The following IL10RB variants were observed in gnomAD, a reference collection of about 807,000 sequenced individuals.
IL10RB encodes interleukin-10 receptor subunit beta.
Under a neutral mutation model 38.7 loss-of-function variants are expected in IL10RB, and 30 were observed. The observed-to-expected ratio is 0.78, with a 90% CI of 0.58 to 1.05. The LOEUF (loss-of-function observed/expected upper bound fraction) is 1.05, where lower values mean the gene tolerates loss of function less well. IL10RB is among the 50% of genes least tolerant of loss of function. IL10RB has a pLI of 0.00. For synonymous variants in IL10RB, 142 were observed against 145.9 expected, an observed-to-expected ratio of 0.97 and a Z score of 0.19; for missense variants, 328 against 397.1, an observed-to-expected ratio of 0.83 and a Z score of 1.48.
intron 6 of IL10RB, among the ~76,000 whole-genome samples, chr21:33,289,605 T>C (rs937462262): frequency 1.8e-4 from 28 of 152,134 alleles, no homozygotes; most frequent in African/African-American, 6.8e-4. Flanking sequence ...GCTGTCAAAA[T>C]CGGGCAGGGG....
intron 3 of IL10RB, among the ~76,000 whole-genome samples, chr21:33,277,292 G>A (rs1989189397): frequency 2.7e-5 from 4 of 149,896 alleles, no homozygotes; most frequent in Admixed American, 1.3e-4. Context: ...CCGAGATCAC[G>A]CCACTGCACT....
chr21:33,272,511 A>G lies in IL10RB; in HGVS notation c.173+3994A>G, dbSNP rs147991390. Among the ~76,000 whole-genome samples the G allele has an allele frequency of 6.2e-4, 94 of 152,272 alleles. 1 individual carries two copies. Among genetic ancestry groups the G allele is most frequent in the African/African-American group, 2.1e-3 (86 of 41,554 alleles). ...GCCCAGGCTGGAGTGCAGTGGTGCA[A>G]TCACGTCTCACTGCAGCCTCCACCT... On this transcript the variant is annotated intron_variant, in intron 2 of 6. Transcript: ENST00000290200.
At chr21:33,305,025 G>A (rs2082995424) in intron 1 of IL10RB, among the ~76,000 whole-genome samples, 4 of 152,168 alleles carry the variant, frequency 2.6e-5, no homozygotes, top group South Asian at 4.1e-4. Context: ...TCCAAAAAAG[G>A]TAAAGAGCCT....
At chr21:33,302,504 C>T (rs989231844) in intron 1 of IL10RB, among the ~76,000 whole-genome samples, 1 of 152,246 alleles carries the variant, frequency 6.6e-6, no homozygotes, top group Admixed American at 6.5e-5. Context: ...AGAGCATTTC[C>T]AGATGAATTT....
At chr21:33,279,138 A>G (rs1042656059) in intron 3 of IL10RB, among the ~76,000 whole-genome samples, 2 of 152,230 alleles carry the variant, frequency 1.3e-5, no homozygotes, top group Non-Finnish European at 2.9e-5. Flanking sequence ...TAGGACAGAA[A>G]GTAATGGGAG....
At chr21:33,294,679 AG>A (rs1489093028) in intron 6 of IL10RB, among the ~76,000 whole-genome samples, 1 of 152,208 alleles carries the variant, frequency 6.6e-6, no homozygotes, top group African/African-American at 2.4e-5. Flanking sequence ...AGCTACCCTC[AG>A]GTTCCATTAA....
intron 1 of IL10RB, among the ~76,000 whole-genome samples, chr21:33,302,635 G>A (rs941331729): frequency 4.9e-4 from 74 of 152,332 alleles, no homozygotes; most frequent in South Asian, 1.9e-3. Context: ...TGGTATTGAG[G>A]AGTGAACAGG....
chr21:33,275,158 T>C (rs892036951), intron 2 of IL10RB, among the ~76,000 whole-genome samples: 26 of 147,272 alleles, frequency 1.8e-4, no homozygotes, highest in Non-Finnish European at 2.7e-4. Flanking sequence ...TTTTCTTTTT[T>C]TTTTTTTTTT....
At chr21:33,292,129 TC>T (rs1237104158) in intron 6 of IL10RB, among the ~76,000 whole-genome samples, 3 of 152,138 alleles carry the variant, frequency 2.0e-5, no homozygotes, top group Admixed American at 1.3e-4. Context: ...TTCCCAAACG[TC>T]CTTGTCCCTA....
chr21:33,271,087 G>A (rs1989071315), intron 2 of IL10RB, among the ~76,000 whole-genome samples: 2 of 152,148 alleles, frequency 1.3e-5, no homozygotes, highest in South Asian at 4.1e-4. Flanking sequence ...ATCCACACCT[G>A]GGTTCCAGGT....
At chr21:33,293,543 G>A (rs564362923) in intron 6 of IL10RB, among the ~76,000 whole-genome samples, 2 of 152,188 alleles carry the variant, frequency 1.3e-5, no homozygotes, top group East Asian at 1.9e-4. Flanking sequence ...GTGCCAGGCC[G>A]AGCATGGTGG....
intron 6 of IL10RB, among the ~76,000 whole-genome samples, chr21:33,290,192 G>A (rs1989458929): frequency 1.3e-5 from 2 of 151,824 alleles, no homozygotes; most frequent in Non-Finnish European, 2.9e-5. Flanking sequence ...TCGGGAGACT[G>A]AGGCAGGAGA....
chr21:33,277,628 C>G (rs1031883183), intron 3 of IL10RB, among the ~76,000 whole-genome samples: 35 of 148,632 alleles, frequency 2.4e-4, no homozygotes. Flanking sequence ...GGTGGTGGAT[C>G]ACTTGAGCCC....
intron 6 of IL10RB, among the ~76,000 whole-genome samples, chr21:33,292,329 G>A (rs750795054): frequency 6.6e-6 from 1 of 152,194 alleles, no homozygotes; most frequent in Non-Finnish European, 1.5e-5. Context: ...GCAGCAGCGG[G>A]CCACTTTCGG....
chr21:33,288,366 C>A, intron 6 of IL10RB, 105 bp downstream of exon 6: 3 of 766,440 alleles, frequency 3.9e-6, no homozygotes, highest in South Asian at 2.8e-5. Flanking sequence ...TCCAGGAAAA[C>A]ACACACGCGC....
chr21:33,268,622 G>A, intron 2 of IL10RB, 105 bp downstream of exon 2: 2 of 841,518 alleles, frequency 2.4e-6, no homozygotes, highest in African/African-American at 3.3e-5. Context: ...CGGTCACCGT[G>A]TGACTGTGAC....
chr21:33,302,209 T>C (rs1476432121), downstream of IL10RB, among the ~76,000 whole-genome samples: 1 of 152,168 alleles, frequency 6.6e-6, no homozygotes, highest in Non-Finnish European at 1.5e-5. Flanking sequence ...TGAGGCACTG[T>C]TCTAAAAACA....
intron 6 of IL10RB, among the ~76,000 whole-genome samples, chr21:33,295,091 T>C (rs1404693062): frequency 5.3e-5 from 8 of 151,804 alleles, no homozygotes; most frequent in South Asian, 2.1e-4. Flanking sequence ...TTGGGCCGGG[T>C]GCGGTGGCTC....
chr21:33,283,189 G>T lies in IL10RB; in HGVS notation c.594G>T (p.Arg198=), dbSNP rs760061442. The T allele has an allele frequency of 6.2e-7, 1 of 1,614,106 alleles. No homozygotes were observed. Reference sequence around the variant, plus strand: ...AAGTTCGAGGGTTTCTTCCTGATCGGAACAAAGCTGGGGAATGGAGTGAGC... The same window carrying T: ...AAGTTCGAGGGTTTCTTCCTGATCGTAACAAAGCTGGGGAATGGAGTGAGC... ...CVQVRGFLPD[R]NKAGEWSEPV... is the part of the protein sequence containing the mutation. The change falls in exon 5 of 7, where the codon CGG becomes CGT. Residue 198 remains arginine (R), a synonymous_variant. Transcript: ENST00000290200.
Sources: gnomAD v4.1 joint callset for allele counts (sites outside exome capture counted in the v4.1 genomes callset) on GRCh38, gnomAD v4.1.1 for gene constraint, MANE v1.5 for transcripts, NCBI Gene and HGNC (gene_info 2026-07-23, HGNC 2026-07-21) for gene names.